The following UBR2 variants were observed in gnomAD, a reference collection of about 807,000 sequenced individuals.
UBR2 encodes the protein E3 ubiquitin-protein ligase UBR2.
In UBR2, 92 loss-of-function variants were observed where a neutral mutation model predicts 247.9. The ratio of observed to expected loss-of-function variants is 0.37; its 90% confidence interval spans 0.31 to 0.44. The LOEUF (loss-of-function observed/expected upper bound fraction) is 0.44. UBR2 is among the 20% of genes least tolerant of loss of function. The pLI is 1.00. For synonymous variants in UBR2, 672 were observed against 693.5 expected, an observed-to-expected ratio of 0.97 and a Z score of 0.49; for missense variants, 1,613 against 2,112.6, an observed-to-expected ratio of 0.76 and a Z score of 4.64.
intron 13 of UBR2, 56 bp from the exon 14 acceptor site, chr6:42,635,362 A>G: frequency 7.8e-6 from 12 of 1,540,274 alleles, no homozygotes; most frequent in African/African-American, 1.4e-5. Context: ...TTAGGTTTCC[A>G]TATAAAAGAA....
At chr6:42,574,148 C>G (rs547297138) in intron 2 of UBR2, among the ~76,000 whole-genome samples, 155 bp downstream of exon 2, 1 of 152,148 alleles carries the variant, frequency 6.6e-6, no homozygotes, top group African/African-American at 2.4e-5. Flanking sequence ...ATAATTAAAG[C>G]AAACATTTTT....
chr6:42,640,655 A>G (rs115880182), intron 16 of UBR2, among the ~76,000 whole-genome samples: 149 of 152,244 alleles, frequency 9.8e-4, no homozygotes, highest in African/African-American at 3.4e-3. Context: ...GTCTTTTCTC[A>G]AGGCCTTCAA....
intron 7 of UBR2, among the ~76,000 whole-genome samples, chr6:42,607,313 G>T (rs1034019594): frequency 4.0e-5 from 6 of 151,522 alleles, no homozygotes; most frequent in African/African-American, 1.5e-4. Flanking sequence ...GATTACAAGT[G>T]CACACAGCCA....
rs796492479 is a variant in UBR2, at chr6:42,659,530, C to G, written c.3243-126C>G. ...ATAAATAAATATATATACACACACA[C>G]ACACACACACACACACACACACACA... On this transcript the variant is annotated intron_variant, in intron 29 of 46. Coordinates refer to ENST00000372901, the MANE Select transcript of UBR2 (RefSeq NM_001363705.2). This position sits in a 1 kb window ranked among gnomAD's most constrained non-coding sequence, Gnocchi z 4.3. 1.6e-4 allele frequency: 80 copies of G among 506,392 alleles called. No individual in the cohort carries two copies. Among genetic ancestry groups the G allele is most frequent in the Admixed American group, 4.2e-4 (12 of 28,458 alleles). The allele number at this position is 506,392 out of a possible 1,614,324, so 31.4% of individuals were successfully genotyped here.
chr6:42,687,437 C>G (rs995983093), intron 44 of UBR2, among the ~76,000 whole-genome samples: 5 of 152,220 alleles, frequency 3.3e-5, no homozygotes, highest in African/African-American at 1.2e-4. Flanking sequence ...GGCGGCAGTA[C>G]AGTCCAGCCT....
At chr6:42,662,948 A>G (rs1582680431) in intron 31 of UBR2, among the ~76,000 whole-genome samples, 1 of 151,818 alleles carries the variant, frequency 6.6e-6, no homozygotes, top group South Asian at 2.1e-4. Context: ...AACAACAACA[A>G]CAACAAAAAA....
Position 42,676,078 on chromosome 6 carries a change from C to G in UBR2, c.4274C>G (p.Pro1425Arg). 6.2e-7 allele frequency: 1 copy of G among 1,612,668 alleles called. No individual in the cohort carries two copies. Among genetic ancestry groups the G allele is most frequent in the Non-Finnish European group, 8.5e-7 (1 of 1,179,602 alleles). The change falls in exon 39 of 47, where the codon CCT becomes CGT. Residue 1425 changes from proline to arginine, a missense_variant. Around this residue, in one of 3 missense-constraint regions of UBR2, gnomAD observed 1,524 missense variants for 1,967.3 expected, o/e 0.77. Transcript: ENST00000372901. ...TAGGTGGGCTTGGTGCTTGCATTTC[C>G]TGCGTTGCAGTGTCAGGATTTTTCA... ...HLLVGLVLAFPALQCQDFSGI... is the reference protein window; with the variant it reads ...HLLVGLVLAFRALQCQDFSGI...
intron 25 of UBR2, among the ~76,000 whole-genome samples, chr6:42,653,606 C>CTTTTTTTTTTTTT (rs72460060): frequency 1.2e-4 from 6 of 50,618 alleles, no homozygotes; most frequent in African/African-American, 5.4e-4. Flanking sequence ...ATGCTAAGCC[C>CTTTTTTTTTTTTT]TTTTTTTTTT....
chr6:42,657,408 A>G (rs1198867054), intron 26 of UBR2, among the ~76,000 whole-genome samples: 7 of 152,218 alleles, frequency 4.6e-5, no homozygotes, highest in African/African-American at 1.4e-4. Context: ...TCTCTAATGC[A>G]TGCCACAGTT....
intron 38 of UBR2, among the ~76,000 whole-genome samples, chr6:42,674,693 C>T (rs192153936): frequency 4.5e-4 from 68 of 151,332 alleles, no homozygotes; most frequent in South Asian, 1.7e-3. Context: ...ACCCAGGAGG[C>T]GGAGGTTGCA....
intron 42 of UBR2, among the ~76,000 whole-genome samples, chr6:42,682,297 G>A (rs1032335088): frequency 3.9e-5 from 6 of 152,092 alleles, no homozygotes; most frequent in Non-Finnish European, 4.4e-5. Context: ...TTTCAGTTGG[G>A]AAAGATGAAA....
intron 11 of UBR2, among the ~76,000 whole-genome samples, chr6:42,630,454 A>T (rs1269121102): frequency 6.6e-6 from 1 of 151,664 alleles, no homozygotes; most frequent in East Asian, 1.9e-4. Context: ...CCTTGCTGGG[A>T]TAACAGGCAT....
intron 1 of UBR2, among the ~76,000 whole-genome samples, chr6:42,567,008 TAA>T (rs1344108688): frequency 6.6e-6 from 1 of 152,216 alleles, no homozygotes; most frequent in Non-Finnish European, 1.5e-5. Flanking sequence ...TTTAAATTAA[TAA>T]AGTTTTTTCT....
intron 1 of UBR2, among the ~76,000 whole-genome samples, chr6:42,564,888 A>G (rs1790686378): frequency 1.3e-5 from 2 of 152,134 alleles, no homozygotes; most frequent in Non-Finnish European, 2.9e-5. Flanking sequence ...CCAGGCACCA[A>G]GAAGGCAAAC....
Position 42,670,114 on chromosome 6 carries a change from A to C in UBR2, c.3904A>C (p.Lys1302Gln), listed in dbSNP as rs1350641702. ...CAGGATCCCTTATTCTGAGAGCATA[A>C]AAGAAATGCTAACGACATTTGGAAC... is the stretch of plus-strand genomic sequence containing the variant. ...RPKIPYSESIKEMLTTFGTAT... is the reference protein window; with the variant it reads ...RPKIPYSESIQEMLTTFGTAT... Residue 1302 changes from lysine (K) to glutamine (Q), a missense_variant, in exon 35 of 47, where the codon AAA becomes CAA. Physicochemically the swap from Lys to Gln is moderately conservative, Grantham distance 53. Coordinates refer to ENST00000372901, the MANE Select transcript of UBR2 (RefSeq NM_001363705.2). The C allele has an allele frequency of 1.2e-6, 2 of 1,614,072 alleles. No individual in the cohort carries two copies. Among genetic ancestry groups the C allele is most frequent in the African/African-American group, 2.7e-5 (2 of 74,948 alleles).
intron 40 of UBR2, among the ~76,000 whole-genome samples, chr6:42,677,893 T>C (rs1442670509): frequency 1.3e-5 from 2 of 152,228 alleles, no homozygotes; most frequent in Non-Finnish European, 2.9e-5. Context: ...TATAAATCTA[T>C]TTAAAATATG....
At chr6:42,655,600 G>A (rs760732788) in intron 25 of UBR2, 21 bp from the exon 26 acceptor site, 59 of 1,439,338 alleles carry the variant, frequency 4.1e-5, no homozygotes, top group Non-Finnish European at 5.1e-5. Flanking sequence ...TTTACTAAAA[G>A]TTACAAAACA....
intron 2 of UBR2, among the ~76,000 whole-genome samples, chr6:42,576,907 CA>C (rs1369879081): frequency 6.6e-6 from 1 of 152,112 alleles, no homozygotes; most frequent in African/African-American, 2.4e-5. Flanking sequence ...CCACAAATAA[CA>C]GAGACACTCT....
At chr6:42,583,992 A>ATT (rs199507142) in intron 2 of UBR2, among the ~76,000 whole-genome samples, 124 of 120,600 alleles carry the variant, frequency 1.0e-3, no homozygotes, top group African/African-American at 2.3e-3. Flanking sequence ...TCCCCATTGA[A>ATT]TTTTTTTTTT....
Sources: allele counts gnomAD v4.1 joint callset (sites outside exome capture counted in the v4.1 genomes callset), GRCh38; gene constraint gnomAD v4.1.1; regional missense constraint gnomAD v4.1.1; non-coding constraint Gnocchi (gnomAD v3.1); transcripts MANE v1.5; gene names NCBI Gene and HGNC (gene_info 2026-07-23, HGNC 2026-07-21).